Variants in POR observed in about 807,000 individuals in gnomAD.
POR encodes NADPH--cytochrome P450 reductase.
POR carries 56 observed loss-of-function variants against 84.0 expected under a neutral mutation model. That is an observed-to-expected ratio of 0.67 (90% CI 0.54 to 0.83). The LOEUF (loss-of-function observed/expected upper bound fraction) is 0.83, where lower values mean the gene tolerates loss of function less well. Ranked by LOEUF, POR falls within the 40% of genes least tolerant of loss-of-function variation. POR has a pLI of 0.00. For synonymous variants in POR, 414 were observed against 400.5 expected, an observed-to-expected ratio of 1.03 and a Z score of -0.40; for missense variants, 938 against 944.3, an observed-to-expected ratio of 0.99 and a Z score of 0.09.
At chr7:75,942,851 T>C (rs1554551709) in intron 1 of POR, among the ~76,000 whole-genome samples, 1 of 152,004 alleles carries the variant, frequency 6.6e-6, no homozygotes, top group African/African-American at 2.4e-5. Flanking sequence ...AATTTTAGAT[T>C]GGCCTCATTA....
At chr7:75,946,340 G>T (rs1374740779) in intron 1 of POR, among the ~76,000 whole-genome samples, 2 of 152,052 alleles carry the variant, frequency 1.3e-5, no homozygotes, top group Non-Finnish European at 2.9e-5. Flanking sequence ...AGACTACAGT[G>T]TAGTGGTGTG....
chr7:75,948,117 G>A (rs797025552), intron 1 of POR, among the ~76,000 whole-genome samples: 16 of 152,292 alleles, frequency 1.1e-4, no homozygotes, highest in Non-Finnish European at 1.8e-4. Context: ...AGTAGAGGGC[G>A]GTGAGCACAG....
At chr7:75,943,320 G>A (rs1787031815) in intron 1 of POR, among the ~76,000 whole-genome samples, 1 of 151,936 alleles carries the variant, frequency 6.6e-6, no homozygotes. Flanking sequence ...TTCTTGTTCA[G>A]AAAAGATTTA....
chr7:75,954,725 T>G (rs942942479), intron 2 of POR, among the ~76,000 whole-genome samples: 35 of 149,804 alleles, frequency 2.3e-4, no homozygotes, highest in South Asian at 8.5e-4. Flanking sequence ...TTTTTTTTTT[T>G]GAAGCAGAAT....
At chr7:75,958,584 G>A (rs1235905695) in intron 2 of POR, among the ~76,000 whole-genome samples, 2 of 152,164 alleles carry the variant, frequency 1.3e-5, no homozygotes, top group Non-Finnish European at 2.9e-5. Context: ...GTTGGCTTTT[G>A]AATGAAGTCT....
At chr7:75,979,682 G>C in intron 4 of POR, 103 bp downstream of exon 4, 1 of 1,492,368 alleles carries the variant, frequency 6.7e-7, no homozygotes, top group Non-Finnish European at 9.1e-7. Context: ...AGGGAGTGGG[G>C]TCCTGGGAAG....
At chr7:75,923,253 T>C in intron 1 of POR, 1 of 1,188,880 alleles carries the variant, frequency 8.4e-7, no homozygotes, top group South Asian at 1.2e-5. Context: ...TGGTGTCTTT[T>C]GCTTGGAAGA....
At chr7:75,934,138 T>C (rs1378035215) in intron 1 of POR, among the ~76,000 whole-genome samples, 9 of 133,700 alleles carry the variant, frequency 6.7e-5, no homozygotes, top group African/African-American at 3.4e-4. Flanking sequence ...TGTGTGTGTG[T>C]GTGTGTGTGT....
intron 2 of POR, among the ~76,000 whole-genome samples, chr7:75,961,971 G>A (rs1554554578): frequency 1.3e-5 from 2 of 151,638 alleles, no homozygotes; most frequent in Non-Finnish European, 2.9e-5. Flanking sequence ...CCATGGTTGT[G>A]CCACTGCACT....
chr7:75,919,003 G>GTT (rs36120501), intron 1 of POR, among the ~76,000 whole-genome samples: 184 of 142,190 alleles, frequency 1.3e-3, no homozygotes, highest in African/African-American at 3.8e-3. Flanking sequence ...AGTGTTGTGT[G>GTT]TTTTTTTTTT....
At chr7:75,951,309 G>A (rs909481472) in intron 1 of POR, among the ~76,000 whole-genome samples, 2 of 151,906 alleles carry the variant, frequency 1.3e-5, no homozygotes, top group African/African-American at 2.4e-5. Context: ...CAAGAGAATC[G>A]CTTGAACCCA....
chr7:75,968,408 G>T, intron 2 of POR: 1 of 392,712 alleles, frequency 2.5e-6, no homozygotes, highest in Non-Finnish European at 5.2e-6. Flanking sequence ...ATTTGGACTG[G>T]AGACCAGGAA....
At chr7:75,931,213 G>A (rs1275880329) in intron 1 of POR, among the ~76,000 whole-genome samples, 1 of 152,126 alleles carries the variant, frequency 6.6e-6, no homozygotes, top group Non-Finnish European at 1.5e-5. Context: ...ATATCCATAC[G>A]ATGAAATGTT....
chr7:75,938,052 G>A (rs754253763), intron 1 of POR, among the ~76,000 whole-genome samples: 1 of 152,184 alleles, frequency 6.6e-6, no homozygotes. Flanking sequence ...TGGTCAGTTC[G>A]ATTTGTGCTG....
chr7:75,981,506 C>CCT lies in POR; in HGVS notation c.642-9_642-8dup. The CCT allele has an allele frequency of 3.7e-6, 6 of 1,609,116 alleles. No homozygotes were observed. Among genetic ancestry groups the CCT allele is most frequent in the Non-Finnish European group, 5.1e-6 (6 of 1,178,202 alleles). The stretch of plus-strand genomic sequence containing the variant: ...CCCTGAGCCGCTCCCCCTCTCCTCT[C>CCT]CTCGGCCCAGCTTGGAGGAGGACTT... On this transcript the variant is annotated splice_polypyrimidine_tract_variant and intron_variant, in intron 6 of 15. Coordinates refer to ENST00000461988, the MANE Select transcript of POR (RefSeq NM_000941.3).
At chr7:75,978,816 AGGT>A (rs1232632261) in intron 3 of POR, among the ~76,000 whole-genome samples, 1 of 147,090 alleles carries the variant, frequency 6.8e-6, no homozygotes, top group Non-Finnish European at 1.5e-5. Context: ...GAGCCACTGG[AGGT>A]GGAGTCTTGC....
chr7:75,956,647 G>C (rs895417177), intron 2 of POR, among the ~76,000 whole-genome samples: 1 of 152,086 alleles, frequency 6.6e-6, no homozygotes, highest in Non-Finnish European at 1.5e-5. Context: ...ATCGTATTTC[G>C]TGCCAGGCAC....
chr7:75,973,400 A>C (rs1788526869), intron 3 of POR, among the ~76,000 whole-genome samples: 2 of 151,656 alleles, frequency 1.3e-5, no homozygotes, highest in Non-Finnish European at 2.9e-5. Context: ...TGCAGCCTCA[A>C]ACTCCTAGAC....
intron 3 of POR, among the ~76,000 whole-genome samples, chr7:75,974,966 A>G (rs1788609564): frequency 6.6e-6 from 1 of 152,046 alleles, no homozygotes; most frequent in African/African-American, 2.4e-5. Context: ...CCCGTTAAAG[A>G]GTTTGTCTTT....
Sources: allele counts gnomAD v4.1 joint callset (sites outside exome capture counted in the v4.1 genomes callset), GRCh38; gene constraint gnomAD v4.1.1; transcripts MANE v1.5; gene names NCBI Gene and HGNC (gene_info 2026-07-23, HGNC 2026-07-21).